Variants in CACNA1C observed in about 807,000 individuals in gnomAD.
CACNA1C encodes calcium voltage-gated channel subunit alpha1 C.
In CACNA1C, 30 loss-of-function variants were observed where a neutral mutation model predicts 229.0. The ratio of observed to expected loss-of-function variants is 0.13; its 90% CI spans 0.10 to 0.18. CACNA1C has a LOEUF of 0.18. Ranked by LOEUF, CACNA1C falls within the 10% of genes least tolerant of loss-of-function variation. The pLI is 1.00. For missense variants in CACNA1C, 1,658 were observed against 2,845.0 expected, an observed-to-expected ratio of 0.58 and a Z score of 9.49; for synonymous variants, 1,114 against 1,132.5, an observed-to-expected ratio of 0.98 and a Z score of 0.33.
intron 3 of CACNA1C, among the ~76,000 whole-genome samples, chr12:2,223,923 T>C (rs2062153133): frequency 6.6e-6 from 1 of 152,184 alleles, no homozygotes; most frequent in South Asian, 2.1e-4. Context: ...TTTATAGATA[T>C]CCATAACCCC....
chr12:2,497,403 C>T (rs1004222361), intron 7 of CACNA1C, among the ~76,000 whole-genome samples: 5 of 152,168 alleles, frequency 3.3e-5, no homozygotes, highest in South Asian at 2.1e-4. Context: ...ACACGCAGAA[C>T]GTTGCAGGTG....
rs1446872019 is a variant in CACNA1C, at chr12:2,696,608, A to C, written c.*5409A>C. The C allele has an allele frequency of 1.3e-5, 2 of 152,014 alleles. No individual in the cohort carries two copies. Among genetic ancestry groups the C allele is most frequent in the Non-Finnish European group, 2.9e-5 (2 of 67,972 alleles). 9.4% of individuals were successfully genotyped at this position (152,014 alleles called of 1,614,324 possible). A position where few individuals can be genotyped will look rare whatever the true frequency, so the allele number is the denominator to read the frequency against. On this transcript the variant is annotated 3_prime_UTR_variant, in exon 47 of 47. Coordinates refer to ENST00000399655, the MANE Select transcript of CACNA1C (RefSeq NM_000719.7). ...CTCAAACCAAGGTCATTATCCAAAA[A>C]AAAAAAAAAAAAGCTCTGGGTGGAA...
At chr12:2,614,901 A>G (rs1234046596) in intron 29 of CACNA1C, 1 of 152,112 alleles carries the variant, frequency 6.6e-6, no homozygotes, top group African/African-American at 2.4e-5. Flanking sequence ...CACTCCATGG[A>G]AAATAAATTT....
chr12:2,485,227 G>T lies in CACNA1C; in HGVS notation c.758-877G>T, dbSNP rs184972113. ...GCTCTGCTGGAGGGAAGGAGGAGCT[G>T]CCTCCACATTCTCACCTGGCATGTG... On this transcript the variant is annotated intron_variant, in intron 5 of 46. Coordinates refer to ENST00000399655, the MANE Select transcript of CACNA1C (RefSeq NM_000719.7). Among the ~76,000 whole-genome samples, 523 of 152,196 alleles carry T rather than the reference G, an allele frequency of 3.4e-3. 1 individual carries two copies. The highest frequency in any genetic ancestry group is 0.014 in the Middle Eastern group (4 of 294).
At position 2,691,017 on chromosome 12, in the gene CACNA1C, G is replaced by A. The variant is rs759579854; in HGVS notation, c.6235G>A (p.Asp2079Asn). The A allele has an allele frequency of 6.9e-6, 11 of 1,601,258 alleles. No individual in the cohort carries two copies. The highest frequency in any genetic ancestry group is 2.3e-5 in the East Asian group (1 of 44,202). ...CATAGAGGAGATGGAGAGCGCGGCC[G>A]ACAACATCCTCAGCGGGGGCGCCCC... ...MTIEEMESAA[D>N]NILSGGAPQS... The change falls in exon 47 of 47, where the codon GAC becomes AAC. Residue 2079 changes from aspartate (D) to asparagine (N), a missense_variant. Physicochemically the swap from Asp to Asn is conservative, Grantham distance 23. Coordinates refer to ENST00000399655, the MANE Select transcript of CACNA1C (RefSeq NM_000719.7).
chr12:2,506,323 G>GA (rs930507437), intron 8 of CACNA1C, among the ~76,000 whole-genome samples: 5 of 152,138 alleles, frequency 3.3e-5, no homozygotes, highest in African/African-American at 1.2e-4. Flanking sequence ...GGAAAAGATT[G>GA]AAAAAATCAA....
chr12:2,082,040 A>G (rs747208265), intron 1 of CACNA1C, among the ~76,000 whole-genome samples: 2 of 149,572 alleles, frequency 1.3e-5, no homozygotes, highest in African/African-American at 2.6e-5. Flanking sequence ...CAGGGGGGAC[A>G]GGGGGGATAT....
intron 9 of CACNA1C, among the ~76,000 whole-genome samples, chr12:2,542,403 A>G (rs2099872809): frequency 6.6e-6 from 1 of 152,214 alleles, no homozygotes; most frequent in South Asian, 2.1e-4. Context: ...TTTTACAGAG[A>G]GCTCACTTCC....
rs189401638 is a variant in CACNA1C, at chr12:2,662,066, C to A, written c.4233-2759C>A. On this transcript the variant is annotated intron_variant, in intron 34 of 46. Coordinates refer to ENST00000399655, the MANE Select transcript of CACNA1C (RefSeq NM_000719.7). ...GACCATCCTGGCTAACACCGTGAAA[C>A]CCCGTCTCTACTAAAAATACAAAAA... Among the ~76,000 whole-genome samples, 7 of 152,146 alleles carry A rather than the reference C, an allele frequency of 4.6e-5. No homozygotes were observed. In the East Asian group the frequency reaches 1.4e-3, roughly 29 times the overall value.
rs191269873 is a variant in CACNA1C, at chr12:2,021,438, G to T, written c.139+50237G>T. On this transcript the variant is annotated intron_variant, in intron 1 of 46. Coordinates refer to the CACNA1C transcript ENST00000682462. ...TCACACCTGTAATCCCAGCACTTTGGGGGGCTGAGGTGGGTGGATCACCTG... is the reference window on the plus strand; with the variant it reads ...TCACACCTGTAATCCCAGCACTTTGTGGGGCTGAGGTGGGTGGATCACCTG... 6.6e-5 allele frequency among the ~76,000 whole-genome samples: 10 copies of T among 152,266 alleles called. No individual in the cohort carries two copies. In the East Asian group the frequency reaches 1.4e-3, roughly 21 times the overall value.
chr12:2,355,553 A>C (rs1178176692), intron 3 of CACNA1C, among the ~76,000 whole-genome samples: 1 of 152,166 alleles, frequency 6.6e-6, no homozygotes, highest in African/African-American at 2.4e-5. Context: ...TCAAAACCCT[A>C]CTGACTCTGT....
intron 26 of CACNA1C, chr12:2,607,530 G>C (rs2075885137): frequency 6.2e-6 from 1 of 162,100 alleles, no homozygotes; most frequent in African/African-American, 2.4e-5. Context: ...ATTGGGTAAA[G>C]ATGGCTGAGA....
At chr12:2,167,595 T>C (rs1299024866) in intron 3 of CACNA1C, among the ~76,000 whole-genome samples, 1 of 152,234 alleles carries the variant, frequency 6.6e-6, no homozygotes, top group Non-Finnish European at 1.5e-5. Context: ...CTATTAATTT[T>C]AGATGGGTTG....
At chr12:2,137,340 C>G (rs1471850533) in intron 3 of CACNA1C, among the ~76,000 whole-genome samples, 1 of 151,142 alleles carries the variant, frequency 6.6e-6, no homozygotes, top group East Asian at 1.9e-4. Context: ...TCCTACCTCA[C>G]TGAGTTATGG....
intron 3 of CACNA1C, among the ~76,000 whole-genome samples, chr12:2,289,143 A>T (rs953153081): frequency 5.3e-5 from 8 of 152,178 alleles, no homozygotes; most frequent in African/African-American, 1.7e-4. Flanking sequence ...AAGCTTCCTG[A>T]AAAATGCTGG....
intron 5 of CACNA1C, among the ~76,000 whole-genome samples, chr12:2,473,106 GC>G (rs1021138824): frequency 6.6e-5 from 10 of 152,264 alleles, no homozygotes; most frequent in Middle Eastern, 3.4e-3. Context: ...CAATTTCAGG[GC>G]CGTAAGTCCA....
At chr12:2,057,160 C>T (rs1380657583) in intron 1 of CACNA1C, among the ~76,000 whole-genome samples, 8 of 152,180 alleles carry the variant, frequency 5.3e-5, no homozygotes, top group African/African-American at 1.9e-4. Context: ...ATTTGTTCTT[C>T]AAATAAAACT....
At chr12:2,534,059 C>A (rs1312367921) in intron 9 of CACNA1C, among the ~76,000 whole-genome samples, 2 of 152,076 alleles carry the variant, frequency 1.3e-5, no homozygotes, top group East Asian at 3.9e-4. Context: ...TGGAGATGGT[C>A]GGAGTTGGAG....
intron 9 of CACNA1C, among the ~76,000 whole-genome samples, chr12:2,518,895 G>A (rs538259905): frequency 6.6e-6 from 1 of 152,340 alleles, no homozygotes; most frequent in South Asian, 2.1e-4. Context: ...CCTAATCAGA[G>A]CCCTGGAAAC....
Sources: allele counts gnomAD v4.1 joint callset (sites outside exome capture counted in the v4.1 genomes callset), GRCh38; gene constraint gnomAD v4.1.1; transcripts MANE v1.5; gene names NCBI Gene and HGNC (gene_info 2026-07-23, HGNC 2026-07-21).